NFYC: variants seen among roughly 807,000 people sequenced by gnomAD.
The protein encoded by NFYC is nuclear transcription factor Y subunit gamma.
Under a neutral mutation model 53.1 loss-of-function variants are expected in NFYC, and 25 were observed. The ratio of observed to expected loss-of-function variants is 0.47; its 90% CI spans 0.34 to 0.66. NFYC has a LOEUF of 0.66. NFYC is among the 30% of genes least tolerant of loss of function. The pLI is 0.01. For synonymous variants in NFYC, 145 were observed against 152.6 expected, an observed-to-expected ratio of 0.95 and a Z score of 0.37; for missense variants, 260 against 422.7, an observed-to-expected ratio of 0.62 and a Z score of 3.38.
intron 1 of NFYC, among the ~76,000 whole-genome samples, chr1:40,711,056 C>G (rs1001581378): frequency 6.6e-5 from 10 of 152,122 alleles, no homozygotes; most frequent in African/African-American, 2.4e-4. Flanking sequence ...TTTTTACTTC[C>G]CTCCCCCCAG....
chr1:40,713,675 G>A (rs941657366), intron 1 of NFYC, among the ~76,000 whole-genome samples: 1 of 152,232 alleles, frequency 6.6e-6, no homozygotes, highest in Admixed American at 6.5e-5. Context: ...GGCCCAGTAA[G>A]TTCAGGTGCC....
At chr1:40,727,215 G>GTTT (rs1193040854) in intron 1 of NFYC, among the ~76,000 whole-genome samples, 2 of 150,218 alleles carry the variant, frequency 1.3e-5, no homozygotes, top group South Asian at 4.2e-4. Context: ...TTGTTTGTTT[G>GTTT]GTTGGTTGGT....
In NFYC at chr1:40,742,002, C is replaced by T. The variant is rs1053828702; in HGVS notation, c.105+3054C>T. The stretch of plus-strand genomic sequence containing the variant: ...CACTGTAGCCTTGAACTCTTGGGCT[C>T]AAGGGACCCTTCCTACTCAGTCCCC... On this transcript the variant is annotated intron_variant, in intron 2 of 9. Coordinates refer to ENST00000447388, the MANE Select transcript of NFYC (RefSeq NM_014223.5). Among the ~76,000 whole-genome samples, 6 of 152,000 alleles carry T rather than the reference C, an allele frequency of 3.9e-5. No individual in the cohort carries two copies. The South Asian group carries it at 1.0e-3, about 26-fold the overall frequency.
intron 4 of NFYC, among the ~76,000 whole-genome samples, chr1:40,751,128 A>G (rs1056217896): frequency 6.6e-6 from 1 of 152,240 alleles, no homozygotes; most frequent in African/African-American, 2.4e-5. Context: ...AAACAACTCA[A>G]GTGTCCATCA....
At chr1:40,721,911 C>T (rs1392096358) in intron 1 of NFYC, among the ~76,000 whole-genome samples, 1 of 152,060 alleles carries the variant, frequency 6.6e-6, no homozygotes, top group Non-Finnish European at 1.5e-5. Flanking sequence ...TGGCTCATGC[C>T]TGTAATCCCA....
chr1:40,721,408 G>T (rs558182128), intron 1 of NFYC, among the ~76,000 whole-genome samples: 1 of 152,148 alleles, frequency 6.6e-6, no homozygotes, highest in Non-Finnish European at 1.5e-5. Flanking sequence ...CTTTTGCTTG[G>T]ATGGTGGGGC....
chr1:40,694,431 C>T (rs1186893713), intron 1 of NFYC, among the ~76,000 whole-genome samples: 1 of 152,178 alleles, frequency 6.6e-6, no homozygotes, highest in Non-Finnish European at 1.5e-5. Flanking sequence ...AGGTGAAGCC[C>T]TCCCTCATTT....
chr1:40,731,717 C>T (rs1439702192), intron 1 of NFYC, among the ~76,000 whole-genome samples: 1 of 152,082 alleles, frequency 6.6e-6, no homozygotes, highest in Non-Finnish European at 1.5e-5. Context: ...ATCTCCTGAC[C>T]TCGTGATCTG....
chr1:40,766,863 G>C (rs1646837999), intron 8 of NFYC, 160 bp downstream of exon 8: 8 of 1,536,590 alleles, frequency 5.2e-6, no homozygotes, highest in Non-Finnish European at 6.2e-6. Flanking sequence ...AGAGGCATGG[G>C]TGGTAATTGG....
intron 1 of NFYC, among the ~76,000 whole-genome samples, chr1:40,697,660 A>G (rs1381934741): frequency 6.6e-6 from 1 of 152,164 alleles, no homozygotes; most frequent in African/African-American, 2.4e-5. Flanking sequence ...TAACTGTACA[A>G]ATTATCAGTT....
chr1:40,725,999 A>G (rs1247330208), intron 1 of NFYC, among the ~76,000 whole-genome samples: 4 of 152,224 alleles, frequency 2.6e-5, no homozygotes, highest in Non-Finnish European at 5.9e-5. Flanking sequence ...GCAGCAAGTC[A>G]TAACCTTTTG....
intron 1 of NFYC, among the ~76,000 whole-genome samples, chr1:40,725,818 CATT>C (rs938573117): frequency 2.0e-5 from 3 of 152,198 alleles, no homozygotes; most frequent in African/African-American, 4.8e-5. Context: ...ATAAAGCTAA[CATT>C]ATAATAAAGA....
intron 1 of NFYC, among the ~76,000 whole-genome samples, chr1:40,708,412 T>C (rs1003010722): frequency 2.0e-5 from 3 of 152,230 alleles, no homozygotes; most frequent in Non-Finnish European, 4.4e-5. Flanking sequence ...GATTTTGGTA[T>C]CCATGAGAGG....
At chr1:40,701,968 G>A (rs1643457071) in intron 1 of NFYC, among the ~76,000 whole-genome samples, 1 of 152,014 alleles carries the variant, frequency 6.6e-6, no homozygotes, top group Admixed American at 6.6e-5. Context: ...TCTTGCTGCT[G>A]CACATGACTG....
At chr1:40,735,644 A>G in intron 1 of NFYC, 1 of 985,458 alleles carries the variant, frequency 1.0e-6, no homozygotes, top group Non-Finnish European at 1.2e-6. Context: ...TAGCAAGTGT[A>G]CAGAGATATC....
intron 6 of NFYC, among the ~76,000 whole-genome samples, chr1:40,760,416 G>A (rs1024465044): frequency 2.6e-5 from 4 of 152,126 alleles, no homozygotes; most frequent in Admixed American, 6.5e-5. Context: ...CAAACACACA[G>A]AGAATTAAAA....
intron 4 of NFYC, among the ~76,000 whole-genome samples, chr1:40,750,334 A>G (rs1204129480): frequency 2.0e-5 from 3 of 152,224 alleles, no homozygotes; most frequent in Non-Finnish European, 2.9e-5. Context: ...TATTTTAACA[A>G]TGAAGCCAAG....
intron 1 of NFYC, among the ~76,000 whole-genome samples, chr1:40,733,750 ATTC>A (rs900558842): frequency 4.7e-5 from 7 of 148,730 alleles, no homozygotes; most frequent in East Asian, 2.0e-4. Flanking sequence ...TTTTTTTTTT[ATTC>A]TTCTTTTTGA....
intron 1 of NFYC, among the ~76,000 whole-genome samples, chr1:40,736,791 C>T (rs965201105): frequency 3.2e-5 from 4 of 123,686 alleles, no homozygotes; most frequent in Non-Finnish European, 6.5e-5. Flanking sequence ...TTGGGATGCT[C>T]AACCAGTAAG....
Sources: allele counts gnomAD v4.1 joint callset (sites outside exome capture counted in the v4.1 genomes callset), GRCh38; gene constraint gnomAD v4.1.1; transcripts MANE v1.5; gene names NCBI Gene and HGNC (gene_info 2026-07-23, HGNC 2026-07-21).